The following LILRA1 variants were observed in gnomAD, a reference collection of about 807,000 sequenced individuals.
The protein encoded by LILRA1 is leukocyte immunoglobulin like receptor A1.
In LILRA1, 51 loss-of-function variants were observed where a neutral mutation model predicts 51.6. The observed-to-expected ratio is 0.99, with a 90% CI of 0.79 to 1.25. The LOEUF (loss-of-function observed/expected upper bound fraction) is 1.25, where lower values mean the gene tolerates loss of function less well. Ranked by LOEUF, LILRA1 falls within the 50% of genes most tolerant of loss-of-function variation. The pLI, the probability that LILRA1 is intolerant of heterozygous loss-of-function variation, is 0.00. For synonymous variants in LILRA1, 305 were observed against 248.4 expected (o/e 1.23, Z -2.14); for missense variants, 660 against 611.7 (o/e 1.08, Z -0.83).
At chr19:54,598,524 G>C (rs1319733926) in intron 7 of LILRA1, among the ~76,000 whole-genome samples, 1 of 152,132 alleles carries the variant, frequency 6.6e-6, no homozygotes, top group African/African-American at 2.4e-5. Context: ...GGCCTGGGGG[G>C]TTCATGCCCA....
chr19:54,599,247 A>T lies in LILRA1; in HGVS notation c.1273A>T (p.Thr425Ser). Residue 425 changes from threonine (T) to serine (S), a missense_variant, in exon 8 of 10, where the codon ACC becomes TCC. Thr to Ser is a moderately conservative substitution (Grantham distance 58). Coordinates refer to ENST00000251372, the MANE Select transcript of LILRA1 (RefSeq NM_006863.4). Reference protein sequence around the residue: ...LELMVSGAAETLSPPQNKSDS... With the variant: ...LELMVSGAAESLSPPQNKSDS... ...GTTTTGATTCTCAGGAGCAGCTGAG[A>T]CCCTCAGCCCACCACAAAACAAGTC... 1 of 1,573,972 alleles carries T rather than the reference A, an allele frequency of 6.4e-7. No individual in the cohort carries two copies. The highest frequency in any genetic ancestry group is 8.7e-7 in the Non-Finnish European group (1 of 1,155,768).
rs757071649 is a variant in LILRA1 at position 54,594,423 on chromosome 19, C to G, written c.35-18C>G. 10 of 1,490,236 alleles carry G rather than the reference C, an allele frequency of 6.7e-6. No individual in the cohort carries two copies. The East Asian group carries it at 2.1e-4, about 32-fold the overall frequency. 92.3% of individuals were successfully genotyped at this position (1,490,236 alleles called of 1,614,324 possible). ...CCAGGCTTCAGGGGCAAATTCCTCA[C>G]AGGGAACTCTCTTCCAGGGCTGAGT... is the stretch of plus-strand genomic sequence containing the variant. On this transcript the variant is annotated intron_variant, in intron 2 of 9. Coordinates refer to ENST00000251372, the MANE Select transcript of LILRA1 (RefSeq NM_006863.4).
chr19:54,600,419 A>T, intron 8 of LILRA1, 93 bp from the exon 9 acceptor site: 2 of 1,278,362 alleles, frequency 1.6e-6, no homozygotes, highest in Non-Finnish European at 2.3e-6. Flanking sequence ...GGAACTCCCT[A>T]GAACTCATGT....
chr19:54,599,149 G>T (rs2146084459), intron 7 of LILRA1, 87 bp from the exon 8 acceptor site: 1 of 1,365,388 alleles, frequency 7.3e-7, no homozygotes, highest in South Asian at 1.2e-5. Flanking sequence ...TGACAGGGAG[G>T]TTATATAAGT....
intron 7 of LILRA1, among the ~76,000 whole-genome samples, chr19:54,598,956 C>T (rs1352171855): frequency 6.6e-5 from 10 of 151,826 alleles, no homozygotes; most frequent in African/African-American, 2.4e-4. Flanking sequence ...CCACCATGCC[C>T]CGCTAATTTT....
At chr19:54,596,730 G>C (rs1049199985) in intron 7 of LILRA1, among the ~76,000 whole-genome samples, 1 of 152,154 alleles carries the variant, frequency 6.6e-6, no homozygotes, top group Non-Finnish European at 1.5e-5. Context: ...AGCCAAGCGT[G>C]GTGGCAGGTG....
In LILRA1 at chr19:54,595,376, G is replaced by A. The variant is rs747745396; in HGVS notation, c.635G>A (p.Ser212Asn). The change falls in exon 5 of 10, where the codon AGT becomes AAT. Residue 212 changes from serine (S) to asparagine (N), a missense_variant. Ser to Asn is a conservative substitution (Grantham distance 46, BLOSUM62 1). Coordinates refer to ENST00000251372, the MANE Select transcript of LILRA1 (RefSeq NM_006863.4). ...SNSPHVWSLP[S>N]DLLELLVLGV... is the part of the protein sequence containing the mutation. ...TCTCCCCATGTGTGGTCTCTACCCAGTGATCTCCTGGAGCTCCTGGTCCTA... is the reference window on the plus strand; with the variant it reads ...TCTCCCCATGTGTGGTCTCTACCCAATGATCTCCTGGAGCTCCTGGTCCTA... The A allele has an allele frequency of 6.2e-7, 1 of 1,612,682 alleles. No individual in the cohort carries two copies. Among genetic ancestry groups the A allele is most frequent in the Non-Finnish European group, 8.5e-7 (1 of 1,179,132 alleles).
chr19:54,598,848 TG>T lies in LILRA1; in HGVS notation c.1262-387del, dbSNP rs547688566. 7.9e-4 allele frequency among the ~76,000 whole-genome samples: 120 copies of T among 152,266 alleles called. 1 individual carries two copies. The highest frequency in any genetic ancestry group is 2.7e-3 in the African/African-American group (113 of 41,548). Reference sequence around the variant, plus strand: ...TTTGCTCTTGTTGCCCAGTCTGGAGTGCAGTGGTGAAATCTTGGCTCACTGC... The same window carrying T: ...TTTGCTCTTGTTGCCCAGTCTGGAGTCAGTGGTGAAATCTTGGCTCACTGC... On this transcript the variant is annotated intron_variant, in intron 7 of 9. Coordinates refer to ENST00000251372, the MANE Select transcript of LILRA1 (RefSeq NM_006863.4).
Position 54,595,339 on chromosome 19 carries a change from T to C in LILRA1, c.598T>C (p.Tyr200His). ...CAGGTGGTCGTACAGGTGCTATGCT[T>C]ATGACTCGAACTCTCCCCATGTGTG... Reference protein sequence around the residue: ...SRRWSYRCYAYDSNSPHVWSL... With the variant: ...SRRWSYRCYAHDSNSPHVWSL... The change falls in exon 5 of 10, where the codon TAT becomes CAT. Residue 200 changes from tyrosine to histidine, a missense_variant. Physicochemically the swap from Tyr to His is moderately conservative, Grantham distance 83. Transcript: ENST00000251372. The C allele has an allele frequency of 1.2e-6, 2 of 1,614,042 alleles. No individual in the cohort carries two copies. Among genetic ancestry groups the C allele is most frequent in the Non-Finnish European group, 8.5e-7 (1 of 1,179,956 alleles).
At chr19:54,599,537 A>T in intron 8 of LILRA1, 1 of 1,186,038 alleles carries the variant, frequency 8.4e-7, no homozygotes, top group Non-Finnish European at 1.1e-6. Context: ...TCACTACTAA[A>T]TTGCTCTGTT....
rs1454682869 is a variant in LILRA1, at chr19:54,595,832, C to T, written c.855C>T (p.Gly285=). ...TCTCCCAGGCCAACTTCACCCTGGG[C>T]CCTGTGAGCCGCTCCTACGGGGGCC... The part of the protein sequence containing the change: ...AGLSQANFTL[G]PVSRSYGGQY... The change falls in exon 6 of 10, where the codon GGC becomes GGT. Residue 285 remains glycine (G), a synonymous_variant. Coordinates refer to ENST00000251372, the MANE Select transcript of LILRA1 (RefSeq NM_006863.4). The T allele has an allele frequency of 1.1e-5, 18 of 1,614,202 alleles. No individual in the cohort carries two copies. Among genetic ancestry groups the T allele is most frequent in the East Asian group, 2.2e-5 (1 of 44,880 alleles).
intron 7 of LILRA1, 98 bp downstream of exon 7, chr19:54,596,589 TGGG>T: frequency 6.6e-7 from 1 of 1,525,014 alleles, no homozygotes; most frequent in East Asian, 2.3e-5. Flanking sequence ...GGGAGTTGGC[TGGG>T]CACGGTGGCT....
Position 54,594,667 on chromosome 19 carries a change from A to AGGGT in LILRA1, c.73_74insGGGT (p.Thr25ArgfsTer11). The AGGGT allele has an allele frequency of 6.8e-7, 1 of 1,475,630 alleles. No homozygotes were observed. Among genetic ancestry groups the AGGGT allele is most frequent in the East Asian group, 2.4e-5 (1 of 42,306 alleles). The allele number at this position is 1,475,630 out of a possible 1,614,324, so 91.4% of individuals were successfully genotyped here. ...TCTGAACTCTGATTTCCTTCCAGGG[A>AGGGT]CCCTCCCCAAGCCCACACTCTGGGC... On this transcript the variant is annotated frameshift_variant, in exon 4 of 10. Transcript: ENST00000251372. LOFTEE classifies it high-confidence loss of function.
At position 54,600,758 on chromosome 19, in the gene LILRA1, G is replaced by A. The variant is rs1257521245; in HGVS notation, c.1411G>A (p.Val471Ile). The change falls in exon 10 of 10, where the codon GTC becomes ATC. Residue 471 changes from valine (V) to isoleucine (I), a missense_variant. Physicochemically the swap from Val to Ile is conservative, Grantham distance 29. Transcript: ENST00000251372. ...NLIRMGIAGL[V>I]LVVLGILLFE... ...CATCCGCATGGGCATAGCTGGCTTG[G>A]TCCTGGTGGTCCTCGGGATTCTGCT... The A allele has an allele frequency of 8.1e-6, 13 of 1,614,014 alleles. 1 individual carries two copies. Among genetic ancestry groups the A allele is most frequent in the African/African-American group, 4.0e-5 (3 of 74,882 alleles).
At chr19:54,595,012 T>C (rs972764923) in intron 4 of LILRA1, 60 bp downstream of exon 4, 11 of 1,604,948 alleles carry the variant, frequency 6.9e-6, no homozygotes, top group African/African-American at 2.7e-5. Context: ...GAGTCAGTTC[T>C]CAGGGGCATC....
chr19:54,599,450 T>C (rs2063127082), intron 8 of LILRA1, 164 bp downstream of exon 8: 1 of 1,282,412 alleles, frequency 7.8e-7, no homozygotes, highest in Admixed American at 2.8e-5. Context: ...TTTCATTCCT[T>C]TACATTTTTA....
Position 54,598,331 on chromosome 19 carries a change from C to A in LILRA1, c.1262-905C>A, listed in dbSNP as rs545299879. ...TAATTTATATATTCAATGTAGACAT[C>A]CATTTTTCATTAACCTCAAGTCTTC... On this transcript the variant is annotated intron_variant, in intron 7 of 9. Transcript: ENST00000251372. 7.9e-5 allele frequency among the ~76,000 whole-genome samples: 12 copies of A among 152,184 alleles called. No homozygotes were observed. In the East Asian group the frequency reaches 2.3e-3, roughly 29 times the overall value.
chr19:54,596,494 GA>G lies in LILRA1; in HGVS notation c.1261+4del. 1.9e-6 allele frequency: 3 copies of G among 1,614,116 alleles called. No individual in the cohort carries two copies. The highest frequency in any genetic ancestry group is 2.5e-6 in the Non-Finnish European group (3 of 1,180,020). ...CTCCCTGGAGCTCATGGTCTCAGGT[GA>G]GGGCCCTGACCCTGTCCTCTCCGAG... On this transcript the variant is annotated splice_donor_region_variant and intron_variant, in intron 7 of 9. Transcript: ENST00000251372.
chr19:54,599,923 C>CATAT (rs146364390), intron 8 of LILRA1, among the ~76,000 whole-genome samples: 42 of 150,770 alleles, frequency 2.8e-4, no homozygotes, highest in East Asian at 2.5e-3. Flanking sequence ...CTCCATTTAG[C>CATAT]ATATATATAT....
Sources: gnomAD v4.1 joint callset for allele counts (sites outside exome capture counted in the v4.1 genomes callset) on GRCh38, gnomAD v4.1.1 for gene constraint, MANE v1.5 for transcripts, NCBI Gene and HGNC (gene_info 2026-07-23, HGNC 2026-07-21) for gene names.